CUL4A: variants seen among roughly 807,000 people sequenced by gnomAD.
CUL4A encodes the protein cullin-4A.
In CUL4A, 16 loss-of-function variants were observed where a neutral mutation model predicts 95.5. The ratio of observed to expected loss-of-function variants is 0.17; its 90% CI spans 0.11 to 0.25. CUL4A has a LOEUF of 0.25. Ranked by LOEUF, CUL4A falls within the 10% of genes least tolerant of loss-of-function variation. The pLI is 1.00. For synonymous variants in CUL4A, 380 were observed against 353.1 expected (o/e 1.08, Z -0.85); for missense variants, 610 against 937.0 (o/e 0.65, Z 4.56).
At chr13:113,226,871 T>C (rs12584981) in intron 3 of CUL4A, among the ~76,000 whole-genome samples, 32,570 of 152,098 alleles carry the variant, frequency 0.21, 3,996 homozygotes, top group South Asian at 0.43. Context: ...TTTTAAAAAA[T>C]AGTCCTAGTG....
intron 19 of CUL4A, among the ~76,000 whole-genome samples, chr13:113,263,258 A>C (rs879748477): frequency 3.3e-5 from 5 of 152,242 alleles, no homozygotes; most frequent in Non-Finnish European, 5.9e-5. Flanking sequence ...CCATAAACTC[A>C]CATGGACGCT....
intron 4 of CUL4A, 44 bp downstream of exon 4, chr13:113,228,089 T>A: frequency 7.2e-7 from 1 of 1,386,938 alleles, no homozygotes; most frequent in Non-Finnish European, 1.0e-6. Flanking sequence ...CTCATCCATC[T>A]TCCCTCACCC....
At position 113,267,097 on chromosome 13, in the gene CUL4A, T is replaced by A. The variant is rs2042409052; in HGVS notation, c.*3515T>A. On this transcript the variant is annotated 3_prime_UTR_variant, in exon 20 of 20. Coordinates refer to ENST00000375440, the MANE Select transcript of CUL4A (RefSeq NM_001008895.4). ...ACTCAGAAAAAGAAAAATATAGTCC[T>A]CCTTTCTAAGATTTTTGGACCCGTT... 6.6e-6 allele frequency: 1 copy of A among 152,194 alleles called. No homozygotes were observed. The highest frequency in any genetic ancestry group is 6.5e-5 in the Admixed American group (1 of 15,278). 9.4% of individuals were successfully genotyped at this position (152,194 alleles called of 1,614,324 possible). A position where few individuals can be genotyped will look rare whatever the true frequency, so the allele number is the denominator to read the frequency against.
In CUL4A at chr13:113,239,425, C is replaced by T. The variant is rs1338255582; in HGVS notation, c.917-8C>T. The stretch of plus-strand genomic sequence containing the variant: ...CTGTACTCTGCTGACGTGTACTGCA[C>T]ATCTCAGGGCTCGACCACTTACTGG... On this transcript the variant is annotated splice_region_variant and splice_polypyrimidine_tract_variant and intron_variant, in intron 9 of 19. Coordinates refer to ENST00000375440, the MANE Select transcript of CUL4A (RefSeq NM_001008895.4). 6.2e-7 allele frequency: 1 copy of T among 1,611,698 alleles called. No homozygotes were observed. Among genetic ancestry groups the T allele is most frequent in the Non-Finnish European group, 8.5e-7 (1 of 1,177,924 alleles).
At position 113,262,058 on chromosome 13, in the gene CUL4A, G is replaced by A. The variant is rs188658234; in HGVS notation, c.2184+1299G>A. ...CTCCCAAAGTGCTGGGATTACAGGC[G>A]TGAGCCACCGCGCCCAGCCTCAGCC... is the stretch of plus-strand genomic sequence containing the variant. On this transcript the variant is annotated intron_variant, in intron 19 of 19. Coordinates refer to ENST00000375440, the MANE Select transcript of CUL4A (RefSeq NM_001008895.4). Among the ~76,000 whole-genome samples, 176 of 152,310 alleles carry A rather than the reference G, an allele frequency of 1.2e-3. 1 individual carries two copies. Among genetic ancestry groups the A allele is most frequent in the African/African-American group, 4.1e-3 (170 of 41,580 alleles).
chr13:113,209,137 C>A (rs1194337022), upstream of CUL4A, among the ~76,000 whole-genome samples: 7 of 150,750 alleles, frequency 4.6e-5, no homozygotes, highest in East Asian at 4.0e-4. Context: ...CACGTCCCGG[C>A]GCGCACCCCT....
chr13:113,228,030 C>G lies in CUL4A; in HGVS notation c.423C>G (p.Asp141Glu). 1 of 1,612,740 alleles carries G rather than the reference C, an allele frequency of 6.2e-7. No homozygotes were observed. Among genetic ancestry groups the G allele is most frequent in the African/African-American group, 1.3e-5 (1 of 75,016 alleles). The stretch of plus-strand genomic sequence containing the variant: ...AGAAGATTAACACGTGCTGGCAGGA[C>G]CACTGCAGACAAATGGTAAGCTTGT... Reference protein sequence around the residue: ...FLKKINTCWQDHCRQMIMIRS... With the variant: ...FLKKINTCWQEHCRQMIMIRS... Residue 141 changes from aspartate (D) to glutamate (E), a missense_variant, in exon 4 of 20, where the codon GAC becomes GAG. This residue lies in a region of CUL4A where 168 missense variants were observed against 185.5 expected (regional missense o/e 0.91). Transcript: ENST00000375440.
At chr13:113,230,456 C>G (rs1007411473) in intron 5 of CUL4A, among the ~76,000 whole-genome samples, 25 of 152,202 alleles carry the variant, frequency 1.6e-4, no homozygotes, top group African/African-American at 6.0e-4. Flanking sequence ...ATTTGCCCTT[C>G]TAACTTCCTC....
rs1447131663 is a variant in CUL4A, at chr13:113,242,956, T to G, written c.1036-12T>G. Reference sequence around the variant, plus strand: ...AACATGTTGCTGAGTTGGTATTGATTTGCTTTTGTAGACTTTTGGAACAGC... The same window carrying G: ...AACATGTTGCTGAGTTGGTATTGATGTGCTTTTGTAGACTTTTGGAACAGC... On this transcript the variant is annotated splice_polypyrimidine_tract_variant and intron_variant, in intron 10 of 19. Coordinates refer to ENST00000375440, the MANE Select transcript of CUL4A (RefSeq NM_001008895.4). 6.3e-7 allele frequency: 1 copy of G among 1,595,290 alleles called. No homozygotes were observed. The highest frequency in any genetic ancestry group is 8.6e-7 in the Non-Finnish European group (1 of 1,164,906).
chr13:113,242,188 A>G lies in CUL4A; in HGVS notation c.1036-780A>G, dbSNP rs371347911. On this transcript the variant is annotated intron_variant, in intron 10 of 19. Transcript: ENST00000375440. ...GGTGTGCACCTGTAGTCCCAGCTACATGGGAGGCGGAGGTTGCAGTGAGCC... is the reference window on the plus strand; with the variant it reads ...GGTGTGCACCTGTAGTCCCAGCTACGTGGGAGGCGGAGGTTGCAGTGAGCC... Among the ~76,000 whole-genome samples the G allele has an allele frequency of 3.3e-5, 5 of 151,898 alleles. 1 individual carries two copies. The highest frequency in any genetic ancestry group is 9.6e-5 in the African/African-American group (4 of 41,464).
intron 2 of CUL4A, among the ~76,000 whole-genome samples, chr13:113,214,960 A>T (rs1318713888): frequency 2.2e-5 from 3 of 137,806 alleles, no homozygotes; most frequent in Admixed American, 2.2e-4. Flanking sequence ...GTCACGTCCC[A>T]TGTGGCTGTG....
rs1324091691 is a variant in CUL4A at position 113,233,098 on chromosome 13, A to G, written c.513-79A>G. On this transcript the variant is annotated intron_variant, in intron 5 of 19. Coordinates refer to ENST00000375440, the MANE Select transcript of CUL4A (RefSeq NM_001008895.4). ...ACTTCACATTTTTGGGATGATATTG[A>G]ATAGCATAGCTGGAGATTCACCCAT... is the stretch of plus-strand genomic sequence containing the variant. The G allele has an allele frequency of 4.9e-6, 7 of 1,441,496 alleles. No homozygotes were observed. The Admixed American group carries it at 1.0e-4, about 21-fold the overall frequency. The allele number at this position is 1,441,496 out of a possible 1,614,324, so 89.3% of individuals were successfully genotyped here. A position where few individuals can be genotyped will look rare whatever the true frequency, so the allele number is the denominator to read the frequency against.
intron 7 of CUL4A, 83 bp from the exon 8 acceptor site, chr13:113,234,980 T>G (rs568028600): frequency 2.0e-6 from 2 of 1,021,028 alleles, no homozygotes; most frequent in Non-Finnish European, 3.0e-6. Flanking sequence ...AAAAATTACA[T>G]GTAAGGAAAA....
At chr13:113,248,241 A>G (rs375966564) in intron 15 of CUL4A, among the ~76,000 whole-genome samples, 2 of 152,092 alleles carry the variant, frequency 1.3e-5, no homozygotes, top group African/African-American at 4.8e-5. Flanking sequence ...TACCTGGTGA[A>G]TGGGGATTTT....
At position 113,233,184 on chromosome 13, in the gene CUL4A, G is replaced by C. The variant is rs748395312; in HGVS notation, c.520G>C (p.Gly174Arg). 10 of 1,613,864 alleles carry C rather than the reference G, an allele frequency of 6.2e-6. No individual in the cohort carries two copies. The highest frequency in any genetic ancestry group is 1.7e-6 in the Non-Finnish European group (2 of 1,179,938). ...TTCTTACTGTCTATACAGGGATATG[G>C]GATTAGAACTGTTTAGAACCCATAT... ...NSTLPSIWDMGLELFRTHIIS... is the reference protein window; with the variant it reads ...NSTLPSIWDMRLELFRTHIIS... The change falls in exon 6 of 20, where the codon GGA (glycine) becomes CGA (arginine). Residue 174 changes from glycine (G) to arginine (R), a missense_variant. Physicochemically the swap from Gly to Arg is moderately radical, Grantham distance 125. Coordinates refer to ENST00000375440, the MANE Select transcript of CUL4A (RefSeq NM_001008895.4).
chr13:113,209,044 G>GGGAGGA (rs112554480), upstream of CUL4A: 2,869 of 311,084 alleles, frequency 9.2e-3, 96 homozygotes, highest in African/African-American at 0.061. Context: ...CCCGAGGAGG[G>GGGAGGA]GGAGGGGGAG....
intron 5 of CUL4A, chr13:113,230,312 A>G (rs1226059661): frequency 6.6e-6 from 1 of 152,522 alleles, no homozygotes; most frequent in Non-Finnish European, 1.5e-5. Flanking sequence ...TGCTTTCGCC[A>G]TGTAGAGATT....
At chr13:113,224,702 C>G (rs1227830825) in intron 3 of CUL4A, among the ~76,000 whole-genome samples, 2 of 152,270 alleles carry the variant, frequency 1.3e-5, no homozygotes, top group African/African-American at 4.8e-5. Flanking sequence ...GGCAGTAGGC[C>G]AAGCTCTGCA....
chr13:113,251,694 CT>C (rs923374408), intron 15 of CUL4A, among the ~76,000 whole-genome samples: 2 of 152,158 alleles, frequency 1.3e-5, no homozygotes, highest in African/African-American at 4.8e-5. Context: ...GACGTGCCTG[CT>C]TTTTTCCCCT....
Sources: allele counts gnomAD v4.1 joint callset (sites outside exome capture counted in the v4.1 genomes callset), GRCh38; gene constraint gnomAD v4.1.1; regional missense constraint gnomAD v4.1.1; transcripts MANE v1.5; gene names NCBI Gene and HGNC (gene_info 2026-07-23, HGNC 2026-07-21).